The following ST6GALNAC3 variants were observed in gnomAD, a reference collection of about 807,000 sequenced individuals.
ST6GALNAC3 encodes the protein ST6 N-acetylgalactosaminide alpha-2,6-sialyltransferase 3.
ST6GALNAC3 carries 25 observed loss-of-function variants against 32.7 expected under a neutral mutation model. That is an observed-to-expected ratio of 0.76 (90% CI 0.56 to 1.07). The LOEUF (loss-of-function observed/expected upper bound fraction) is 1.07, where lower values mean the gene tolerates loss of function less well. Among genes scored for constraint, ST6GALNAC3 ranks in the 50% least tolerant of loss-of-function variants. The pLI is 0.00. For missense variants in ST6GALNAC3, 355 were observed against 382.4 expected (o/e 0.93, Z 0.60); for synonymous variants, 129 against 133.1 (o/e 0.97, Z 0.21).
chr1:76,379,320 C>T (rs1651517832), intron 2 of ST6GALNAC3, among the ~76,000 whole-genome samples: 1 of 152,138 alleles, frequency 6.6e-6, no homozygotes, highest in Non-Finnish European at 1.5e-5. Flanking sequence ...CTGCATCTTG[C>T]CAATATCCCT....
intron 3 of ST6GALNAC3, among the ~76,000 whole-genome samples, chr1:76,472,582 T>C (rs918856312): frequency 1.3e-5 from 2 of 152,120 alleles, no homozygotes; most frequent in Non-Finnish European, 2.9e-5. Context: ...CTGCTGACAA[T>C]AGGCATGTTA....
chr1:76,401,898 CAG>C (rs541632329), intron 2 of ST6GALNAC3, among the ~76,000 whole-genome samples: 418 of 152,298 alleles, frequency 2.7e-3, no homozygotes, highest in Non-Finnish European at 5.0e-3. Flanking sequence ...CTTCCAGAAA[CAG>C]AGCTCACCTA....
intron 1 of ST6GALNAC3, among the ~76,000 whole-genome samples, chr1:76,125,712 G>T (rs754839530): frequency 3.3e-5 from 5 of 152,166 alleles, no homozygotes; most frequent in African/African-American, 7.2e-5. Context: ...CAAAATCTTT[G>T]TTGTTGACCG....
intron 2 of ST6GALNAC3, among the ~76,000 whole-genome samples, chr1:76,362,538 C>G (rs1020523470): frequency 3.3e-5 from 5 of 152,194 alleles, no homozygotes; most frequent in Non-Finnish European, 5.9e-5. Flanking sequence ...AGACAAGGCT[C>G]ATACTTTCTG....
intron 3 of ST6GALNAC3, among the ~76,000 whole-genome samples, chr1:76,430,587 C>T (rs1321833617): frequency 6.6e-6 from 1 of 152,130 alleles, no homozygotes; most frequent in African/African-American, 2.4e-5. Flanking sequence ...TTCCATGCAG[C>T]TCTCTCTAAC....
At chr1:76,208,420 A>G (rs1024165339) in intron 1 of ST6GALNAC3, among the ~76,000 whole-genome samples, 2 of 152,260 alleles carry the variant, frequency 1.3e-5, no homozygotes, top group African/African-American at 4.8e-5. Flanking sequence ...ATTAAAGTCT[A>G]TGAAAAGATT....
intron 2 of ST6GALNAC3, among the ~76,000 whole-genome samples, chr1:76,317,788 C>G (rs1011102586): frequency 2.0e-5 from 3 of 152,006 alleles, no homozygotes; most frequent in African/African-American, 7.3e-5. Flanking sequence ...GAAATGATTA[C>G]AAGAAAGAAT....
chr1:76,453,775 G>A (rs1017948200), intron 3 of ST6GALNAC3, among the ~76,000 whole-genome samples: 7 of 152,110 alleles, frequency 4.6e-5, no homozygotes, highest in African/African-American at 1.4e-4. Context: ...AGAATGTTCT[G>A]TAAATATCTG....
intron 3 of ST6GALNAC3, among the ~76,000 whole-genome samples, chr1:76,557,797 T>A (rs1665015591): frequency 6.6e-6 from 1 of 152,124 alleles, no homozygotes; most frequent in Non-Finnish European, 1.5e-5. Flanking sequence ...CAATGTAACA[T>A]TTATGTTGTA....
chr1:76,424,875 A>G (rs1655262951), intron 3 of ST6GALNAC3, among the ~76,000 whole-genome samples: 1 of 151,962 alleles, frequency 6.6e-6, no homozygotes, highest in South Asian at 2.1e-4. Flanking sequence ...TCTGATTTCT[A>G]AAGAGATTTT....
At chr1:76,564,647 T>G (rs1404465225) in intron 3 of ST6GALNAC3, among the ~76,000 whole-genome samples, 2 of 148,738 alleles carry the variant, frequency 1.3e-5, no homozygotes, top group Non-Finnish European at 1.5e-5. Flanking sequence ...GTGCAGTGGC[T>G]CTATCTCGGC....
chr1:76,355,497 A>G (rs1372706513), intron 2 of ST6GALNAC3, among the ~76,000 whole-genome samples: 2 of 152,320 alleles, frequency 1.3e-5, no homozygotes, highest in East Asian at 3.9e-4. Context: ...ACCAACGAAG[A>G]AAATGTGCAT....
chr1:76,595,666 A>G (rs1647124166), intron 3 of ST6GALNAC3, among the ~76,000 whole-genome samples: 1 of 133,030 alleles, frequency 7.5e-6, no homozygotes, highest in South Asian at 2.7e-4. Flanking sequence ...ACTGTCAATA[A>G]CTATCAATAA....
intron 1 of ST6GALNAC3, among the ~76,000 whole-genome samples, chr1:76,309,225 T>C (rs1173277398): frequency 6.6e-6 from 1 of 152,172 alleles, no homozygotes; most frequent in Non-Finnish European, 1.5e-5. Context: ...CTGCACCAAG[T>C]TGTGACTCTT....
intron 1 of ST6GALNAC3, among the ~76,000 whole-genome samples, chr1:76,160,838 A>G (rs1385671102): frequency 6.6e-6 from 1 of 152,190 alleles, no homozygotes; most frequent in Non-Finnish European, 1.5e-5. Flanking sequence ...ACAACCATAA[A>G]TAGAGTAATG....
intron 2 of ST6GALNAC3, among the ~76,000 whole-genome samples, chr1:76,399,257 C>A (rs1025248791): frequency 6.6e-6 from 1 of 152,060 alleles, no homozygotes; most frequent in Non-Finnish European, 1.5e-5. Context: ...ATGTTTCCTA[C>A]CTGATGGTAT....
chr1:76,126,698 G>A (rs539145393), intron 1 of ST6GALNAC3, among the ~76,000 whole-genome samples: 216 of 152,214 alleles, frequency 1.4e-3, no homozygotes, highest in African/African-American at 4.6e-3. Context: ...AAACAGTGTC[G>A]CTCTTCTGCA....
chr1:76,191,333 G>A (rs187649032), intron 1 of ST6GALNAC3, among the ~76,000 whole-genome samples: 10 of 152,080 alleles, frequency 6.6e-5, no homozygotes, highest in South Asian at 4.2e-4. Flanking sequence ...GAAACAAACC[G>A]AGTAGAACCA....
At chr1:76,333,966 A>G (rs1023705870) in intron 2 of ST6GALNAC3, among the ~76,000 whole-genome samples, 4 of 152,206 alleles carry the variant, frequency 2.6e-5, no homozygotes, top group African/African-American at 9.6e-5. Flanking sequence ...TTGCTCTTAG[A>G]TGGAAGAACA....
Sources: gnomAD v4.1 joint callset for allele counts (sites outside exome capture counted in the v4.1 genomes callset) on GRCh38, gnomAD v4.1.1 for gene constraint, MANE v1.5 for transcripts, NCBI Gene and HGNC (gene_info 2026-07-23, HGNC 2026-07-21) for gene names.